The following MMP16 variants were observed in gnomAD, a reference collection of about 807,000 sequenced individuals.
MMP16 encodes the protein matrix metalloproteinase-16.
A neutral mutation model predicts 67.8 loss-of-function variants in MMP16; 12 were observed. The observed-to-expected ratio is 0.18, with a 90% CI of 0.11 to 0.29. The LOEUF (loss-of-function observed/expected upper bound fraction) is 0.29. Ranked by LOEUF, MMP16 falls within the 10% of genes least tolerant of loss-of-function variation. MMP16 has a pLI of 1.00. For synonymous variants in MMP16, 249 were observed against 255.9 expected (o/e 0.97, Z 0.26); for missense variants, 475 against 765.7 (o/e 0.62, Z 4.48).
intron 1 of MMP16, among the ~76,000 whole-genome samples, chr8:88,318,923 A>G (rs1017096301): frequency 4.6e-5 from 7 of 152,120 alleles, no homozygotes; most frequent in Non-Finnish European, 7.4e-5. Flanking sequence ...AGGTGTTTCT[A>G]TGCTCCCAGT....
intron 4 of MMP16, among the ~76,000 whole-genome samples, chr8:88,122,813 C>A (rs541055887): frequency 4.4e-4 from 66 of 151,450 alleles, no homozygotes; most frequent in African/African-American, 1.5e-3. Flanking sequence ...TTTGCCACAG[C>A]AAAATATGGC....
chr8:88,045,386 T>C (rs1254547791), intron 9 of MMP16, among the ~76,000 whole-genome samples: 1 of 152,138 alleles, frequency 6.6e-6, no homozygotes, highest in Non-Finnish European at 1.5e-5. Context: ...TTTGTTTGTT[T>C]TTTAGACAGA....
chr8:88,215,299 G>A (rs1809573242), intron 1 of MMP16, among the ~76,000 whole-genome samples: 1 of 151,926 alleles, frequency 6.6e-6, no homozygotes, highest in African/African-American at 2.4e-5. Context: ...TCCAGCCTGG[G>A]TGACAGAGTG....
At chr8:88,164,053 T>C (rs1808673397) in intron 4 of MMP16, among the ~76,000 whole-genome samples, 1 of 152,088 alleles carries the variant, frequency 6.6e-6, no homozygotes, top group Non-Finnish European at 1.5e-5. Context: ...GGAAAGTAGA[T>C]AACAATGAAG....
intron 1 of MMP16, among the ~76,000 whole-genome samples, chr8:88,204,961 T>C (rs894666459): frequency 6.6e-6 from 1 of 152,188 alleles, no homozygotes; most frequent in Non-Finnish European, 1.5e-5. Context: ...TATGATTTTG[T>C]CTCTCAAACT....
At chr8:88,119,242 T>A (rs887249456) in intron 4 of MMP16, among the ~76,000 whole-genome samples, 1 of 152,030 alleles carries the variant, frequency 6.6e-6, no homozygotes, top group African/African-American at 2.4e-5. Flanking sequence ...TCTAACAACT[T>A]AGTAAAAAAT....
chr8:88,242,310 C>T (rs1011078033), intron 1 of MMP16, among the ~76,000 whole-genome samples: 3 of 152,078 alleles, frequency 2.0e-5, no homozygotes, highest in Admixed American at 6.6e-5. Flanking sequence ...TGTTTCCTAA[C>T]ATTTATGTCT....
chr8:88,198,573 T>C (rs1245490111), intron 1 of MMP16, among the ~76,000 whole-genome samples: 1 of 152,030 alleles, frequency 6.6e-6, no homozygotes, highest in African/African-American at 2.4e-5. Context: ...AATATAGAAG[T>C]TAAATTTCAC....
intron 1 of MMP16, among the ~76,000 whole-genome samples, chr8:88,247,118 T>G (rs1200924805): frequency 2.6e-5 from 4 of 152,104 alleles, no homozygotes; most frequent in African/African-American, 7.2e-5. Context: ...AGAGCCATAA[T>G]GAGGTCATTC....
At chr8:88,200,187 G>T (rs1337279766) in intron 1 of MMP16, among the ~76,000 whole-genome samples, 1 of 151,932 alleles carries the variant, frequency 6.6e-6, no homozygotes, top group Non-Finnish European at 1.5e-5. Context: ...CAAACAACAT[G>T]GGGTAAGGAA....
chr8:88,047,243 C>A (rs1041700471), intron 8 of MMP16, among the ~76,000 whole-genome samples: 1 of 151,982 alleles, frequency 6.6e-6, no homozygotes, highest in Non-Finnish European at 1.5e-5. Context: ...TTTATTCATT[C>A]GGTACATATT....
chr8:88,208,410 G>A (rs1809462018), intron 1 of MMP16, among the ~76,000 whole-genome samples: 1 of 152,202 alleles, frequency 6.6e-6, no homozygotes, highest in Admixed American at 6.5e-5. Context: ...TACCTTGCCA[G>A]TAAGGCAAGT....
chr8:88,193,865 T>C (rs1440781080), intron 2 of MMP16, among the ~76,000 whole-genome samples: 1 of 152,002 alleles, frequency 6.6e-6, no homozygotes, highest in African/African-American at 2.4e-5. Context: ...CTCATTTTCT[T>C]TATTGCCTTG....
intron 1 of MMP16, among the ~76,000 whole-genome samples, chr8:88,232,956 G>A (rs1809884542): frequency 1.3e-5 from 2 of 152,258 alleles, no homozygotes; most frequent in Middle Eastern, 6.8e-3. Context: ...TAGTGGATGA[G>A]AAGAGTTAGA....
chr8:88,238,409 G>A (rs1221753942), intron 1 of MMP16, among the ~76,000 whole-genome samples: 1 of 152,112 alleles, frequency 6.6e-6, no homozygotes, highest in East Asian at 1.9e-4. Flanking sequence ...TGTAATCCCA[G>A]CATTTTGGGA....
chr8:88,075,466 AG>A (rs1808631485), intron 6 of MMP16, among the ~76,000 whole-genome samples: 1 of 152,118 alleles, frequency 6.6e-6, no homozygotes, highest in African/African-American at 2.4e-5. Context: ...GTTTCTATAA[AG>A]TTGTTTAATT....
chr8:88,260,926 G>A (rs1406235149), intron 1 of MMP16, among the ~76,000 whole-genome samples: 4 of 151,966 alleles, frequency 2.6e-5, no homozygotes, highest in Non-Finnish European at 2.9e-5. Context: ...AGTTATACAT[G>A]GCTTCTAATA....
At chr8:88,142,443 T>C (rs1393204059) in intron 4 of MMP16, among the ~76,000 whole-genome samples, 1 of 152,132 alleles carries the variant, frequency 6.6e-6, no homozygotes, top group Non-Finnish European at 1.5e-5. Flanking sequence ...CTGCTTTATC[T>C]AGTAATTAAT....
intron 1 of MMP16, among the ~76,000 whole-genome samples, chr8:88,240,898 T>C (rs562883190): frequency 6.6e-6 from 1 of 152,332 alleles, no homozygotes; most frequent in Non-Finnish European, 1.5e-5. Flanking sequence ...ATCCACAGCA[T>C]TGTATGTTTA....
Sources: gnomAD v4.1 joint callset for allele counts (sites outside exome capture counted in the v4.1 genomes callset) on GRCh38, gnomAD v4.1.1 for gene constraint, MANE v1.5 for transcripts, NCBI Gene and HGNC (gene_info 2026-07-23, HGNC 2026-07-21) for gene names.